The following STAB2 variants were observed in gnomAD, a reference collection of about 807,000 sequenced individuals.
The protein encoded by STAB2 is stabilin 2.
A neutral mutation model predicts 338.1 loss-of-function variants in STAB2; 288 were observed. The observed-to-expected ratio is 0.85, with a 90% confidence interval of 0.77 to 0.94. The LOEUF is 0.94. STAB2 is among the 40% of genes least tolerant of loss of function. STAB2 has a pLI of 0.00. For missense variants in STAB2, 3,141 were observed against 3,210.1 expected (o/e 0.98, Z 0.52); for synonymous variants, 1,202 against 1,193.3 (o/e 1.01, Z -0.15).
chr12:103,607,851 G>A (rs538479423), intron 3 of STAB2, among the ~76,000 whole-genome samples: 149 of 152,268 alleles, frequency 9.8e-4, no homozygotes, highest in African/African-American at 3.4e-3. Context: ...AAACATACGT[G>A]TGCATGTGTC....
intron 35 of STAB2, among the ~76,000 whole-genome samples, chr12:103,703,657 G>A (rs1278316568): frequency 2.0e-5 from 3 of 152,126 alleles, no homozygotes. Context: ...GTGCCCCTAT[G>A]GCAGTTATGG....
chr12:103,737,525 C>T, intron 52 of STAB2, 109 bp from the exon 53 acceptor site: 6 of 1,222,024 alleles, frequency 4.9e-6, no homozygotes, highest in Non-Finnish European at 6.7e-6. Context: ...CAGTTACTGG[C>T]CATGTTACAT....
At chr12:103,682,874 G>A (rs1044269043) in intron 25 of STAB2, among the ~76,000 whole-genome samples, 1 of 152,134 alleles carries the variant, frequency 6.6e-6, no homozygotes, top group African/African-American at 2.4e-5. Context: ...CTTGAACCTG[G>A]GAGGCAGAAG....
At chr12:103,750,779 A>G in intron 60 of STAB2, 59 bp downstream of exon 60, 1 of 1,542,810 alleles carries the variant, frequency 6.5e-7, no homozygotes, top group Non-Finnish European at 8.8e-7. Flanking sequence ...TGGGGAAGGG[A>G]CCCTCAAGGG....
chr12:103,675,098 G>T (rs930099170), intron 23 of STAB2, among the ~76,000 whole-genome samples: 1 of 152,158 alleles, frequency 6.6e-6, no homozygotes, highest in Non-Finnish European at 1.5e-5. Flanking sequence ...AATGTATTTT[G>T]TTCCTGTAGG....
At chr12:103,637,778 T>G (rs1261834488) in intron 7 of STAB2, among the ~76,000 whole-genome samples, 1 of 152,262 alleles carries the variant, frequency 6.6e-6, no homozygotes. Flanking sequence ...TTTTCTTTCA[T>G]GCTGTTTTAT....
At chr12:103,606,278 A>G (rs558234001) in intron 3 of STAB2, among the ~76,000 whole-genome samples, 1 of 152,142 alleles carries the variant, frequency 6.6e-6, no homozygotes, top group African/African-American at 2.4e-5. Flanking sequence ...CTACACTCCT[A>G]TCCTTGGTGC....
intron 34 of STAB2, among the ~76,000 whole-genome samples, chr12:103,700,938 T>C (rs1253856625): frequency 1.3e-5 from 2 of 151,320 alleles, no homozygotes; most frequent in Non-Finnish European, 3.0e-5. Flanking sequence ...GCTGGTGCGC[T>C]GCACCCACTA....
At chr12:103,660,985 C>T (rs1874559201) in intron 17 of STAB2, among the ~76,000 whole-genome samples, 1 of 152,168 alleles carries the variant, frequency 6.6e-6, no homozygotes, top group Non-Finnish European at 1.5e-5. Flanking sequence ...AGATAGACTT[C>T]TATCCCAGCA....
intron 3 of STAB2, among the ~76,000 whole-genome samples, chr12:103,602,016 A>T (rs372731727): frequency 6.6e-6 from 1 of 152,214 alleles, no homozygotes; most frequent in Admixed American, 6.5e-5. Flanking sequence ...CCTTTTAAGT[A>T]TACAGCTATT....
chr12:103,608,167 C>G (rs1259310210), intron 3 of STAB2, among the ~76,000 whole-genome samples: 4 of 152,216 alleles, frequency 2.6e-5, no homozygotes, highest in Admixed American at 2.0e-4. Context: ...TGAGCAGAGC[C>G]TCGCTCTGTC....
chr12:103,609,647 A>G (rs1957089836), intron 3 of STAB2, among the ~76,000 whole-genome samples: 3 of 152,038 alleles, frequency 2.0e-5, no homozygotes, highest in African/African-American at 7.3e-5. Context: ...GGACAATTTG[A>G]CTTCCTCTTT....
At chr12:103,756,707 G>A (rs1388789351) in intron 63 of STAB2, among the ~76,000 whole-genome samples, 1 of 152,038 alleles carries the variant, frequency 6.6e-6, no homozygotes, top group African/African-American at 2.4e-5. Flanking sequence ...GTCAGTGACC[G>A]CAGGAGGAAA....
intron 23 of STAB2, 101 bp downstream of exon 23, chr12:103,674,188 A>G: frequency 7.4e-7 from 1 of 1,354,100 alleles, no homozygotes; most frequent in Non-Finnish European, 1.0e-6. Flanking sequence ...GCCAACCCAT[A>G]TCTGAACTCT....
intron 3 of STAB2, among the ~76,000 whole-genome samples, chr12:103,617,313 G>A (rs1006064128): frequency 5.3e-5 from 8 of 152,120 alleles, no homozygotes; most frequent in African/African-American, 7.2e-5. Flanking sequence ...TTAGATGGTC[G>A]GATTCAAACA....
Position 103,735,495 on chromosome 12 carries a change from T to C in STAB2, c.5465T>C (p.Leu1822Ser). 1 of 1,608,488 alleles carries C rather than the reference T, an allele frequency of 6.2e-7. No homozygotes were observed. Among genetic ancestry groups the C allele is most frequent in the South Asian group, 1.1e-5 (1 of 89,798 alleles). The change falls in exon 52 of 69, where the codon TTA (leucine) becomes TCA (serine). Residue 1822 changes from leucine to serine, a missense_variant. Transcript: ENST00000388887. ...GTGGTGCCATCACTCCTACAGGTTTTAGCTGTGGATCTTCCCACATCCACT... is the reference window on the plus strand; with the variant it reads ...GTGGTGCCATCACTCCTACAGGTTTCAGCTGTGGATCTTCCCACATCCACT... ...KFHVIRDAKV[L>S]AVDLPTSTAW...
chr12:103,649,370 G>A (rs938418263), intron 10 of STAB2, among the ~76,000 whole-genome samples: 2 of 152,186 alleles, frequency 1.3e-5, no homozygotes, highest in African/African-American at 4.8e-5. Context: ...CAGGCAAGGT[G>A]AGAGCCTAAA....
chr12:103,633,076 A>T (rs1957489377), intron 6 of STAB2, among the ~76,000 whole-genome samples: 1 of 152,208 alleles, frequency 6.6e-6, no homozygotes, highest in South Asian at 2.1e-4. Flanking sequence ...GAAAGCCTCC[A>T]GTCCAAATGC....
At chr12:103,733,402 AT>A (rs147710441) in intron 51 of STAB2, among the ~76,000 whole-genome samples, 5 of 149,730 alleles carry the variant, frequency 3.3e-5, no homozygotes, top group African/African-American at 9.8e-5. Context: ...GGACCTGCCA[AT>A]TTTTTTTTTA....
Sources: gnomAD v4.1 joint callset for allele counts (sites outside exome capture counted in the v4.1 genomes callset) on GRCh38, gnomAD v4.1.1 for gene constraint, MANE v1.5 for transcripts, NCBI Gene and HGNC (gene_info 2026-07-23, HGNC 2026-07-21) for gene names.